The following CACNA1H variants were observed in gnomAD, a reference collection of about 807,000 sequenced individuals.
CACNA1H encodes voltage-dependent T-type calcium channel subunit alpha-1H.
Under a neutral mutation model 192.5 loss-of-function variants are expected in CACNA1H, and 149 were observed. The ratio of observed to expected loss-of-function variants is 0.77; its 90% confidence interval spans 0.68 to 0.89. CACNA1H has a LOEUF of 0.89. Among genes scored for constraint, CACNA1H ranks in the 40% least tolerant of loss-of-function variants. The pLI is 0.00. For missense variants in CACNA1H, 4,257 were observed against 3,423.5 expected (o/e 1.24, Z -6.08); for synonymous variants, 2,202 against 1,475.2 (o/e 1.49, Z -11.29).
In CACNA1H at chr16:1,209,456, G is replaced by A. The variant is rs2745166; in HGVS notation, c.3744+44G>A. 16 of 1,583,486 alleles carry A rather than the reference G, an allele frequency of 1.0e-5. 1 individual carries two copies. The Middle Eastern group carries it at 8.3e-4, about 82-fold the overall frequency. The stretch of plus-strand genomic sequence containing the variant: ...GCCCACCGCCGACTCGCCTTCGTCT[G>A]TCTGGGGCAGGTTCCCTCAAGTGGG... On this transcript the variant is annotated intron_variant, in intron 17 of 34. Coordinates refer to ENST00000348261, the MANE Select transcript of CACNA1H (RefSeq NM_021098.3).
Position 1,210,368 on chromosome 16 carries a change from A to G in CACNA1H, c.3846-2A>G. The G allele has an allele frequency of 9.8e-6, 1 of 102,020 alleles. No individual in the cohort carries two copies. Among genetic ancestry groups the G allele is most frequent in the Non-Finnish European group, 1.7e-5 (1 of 59,526 alleles). The allele number at this position is 102,020 out of a possible 1,614,324, so 6.3% of individuals were successfully genotyped here. A position where few individuals can be genotyped will look rare whatever the true frequency, so the allele number is the denominator to read the frequency against. On this transcript the variant is annotated splice_acceptor_variant, in intron 18 of 34. Coordinates refer to ENST00000348261, the MANE Select transcript of CACNA1H (RefSeq NM_021098.3). LOFTEE classifies it high-confidence loss of function. Reference sequence around the variant, plus strand: ...ACCTCTCACCCGCCCCCGCCCACCCAGGTTCCGCGTCTCCTGCCAGAAGGT... The same window carrying G: ...ACCTCTCACCCGCCCCCGCCCACCCGGGTTCCGCGTCTCCTGCCAGAAGGT...
Position 1,208,151 on chromosome 16 carries a change from C to T in CACNA1H, c.3293C>T (p.Pro1098Leu), listed in dbSNP as rs980276489. 1.9e-6 allele frequency: 3 copies of T among 1,579,502 alleles called. No homozygotes were observed. Among genetic ancestry groups the T allele is most frequent in the African/African-American group, 1.4e-5 (1 of 73,884 alleles). Reference sequence around the variant, plus strand: ...AGCTCACCATTCCTGGATGCAGCCCCCAGCCTCCCAGACTCTCGGCGTGGC... The same window carrying T: ...AGCTCACCATTCCTGGATGCAGCCCTCAGCCTCCCAGACTCTCGGCGTGGC... The part of the protein sequence containing the change: ...PKSSPFLDAA[P>L]SLPDSRRGSS... The change falls in exon 16 of 35, where the codon CCC (proline) becomes CTC (leucine). Residue 1098 changes from proline to leucine, a missense_variant. Coordinates refer to ENST00000348261, the MANE Select transcript of CACNA1H (RefSeq NM_021098.3).
At chr16:1,205,654 TA>T (rs1435774940) in intron 11 of CACNA1H, among the ~76,000 whole-genome samples, 2 of 152,206 alleles carry the variant, frequency 1.3e-5, no homozygotes, top group Admixed American at 6.5e-5. Context: ...ACAAGAAAAT[TA>T]AACCAGAAAG....
rs372529098 is a variant in CACNA1H, at chr16:1,218,596, C to T, written c.5832C>T (p.His1944=). The part of the protein sequence containing the change: ...FRPVVPASAP[H]PRPLQEVEME... The stretch of plus-strand genomic sequence containing the variant: ...CCGTGGTGCCTGCCTCGGCGCCCCA[C>T]CCCCGCCCGCTGCAGGAGGTGGAGA... Residue 1944 remains histidine, a synonymous_variant, in exon 33 of 35, where the codon CAC becomes CAT. Coordinates refer to ENST00000348261, the MANE Select transcript of CACNA1H (RefSeq NM_021098.3). The T allele has an allele frequency of 2.7e-4, 415 of 1,564,796 alleles. 5 individuals are homozygous for T. In the Middle Eastern group the frequency reaches 6.2e-3, roughly 23 times the overall value.
In CACNA1H at chr16:1,221,628, G is replaced by T; in HGVS notation, c.*634G>T. ...GCCTCCCCTACATCTGGGGGCGTTG[G>T]CCGCGAGATTCCCATTGACACCTTT... On this transcript the variant is annotated 3_prime_UTR_variant, in exon 35 of 35. Transcript: ENST00000348261. The T allele has an allele frequency of 1.2e-6, 1 of 807,202 alleles. No homozygotes were observed. The highest frequency in any genetic ancestry group is 1.9e-6 in the Non-Finnish European group (1 of 529,220). 50.0% of individuals were successfully genotyped at this position (807,202 alleles called of 1,614,324 possible). A position where few individuals can be genotyped will look rare whatever the true frequency, so the allele number is the denominator to read the frequency against.
chr16:1,178,727 C>T (rs1965167870), intron 2 of CACNA1H, among the ~76,000 whole-genome samples: 1 of 152,184 alleles, frequency 6.6e-6, no homozygotes, highest in African/African-American at 2.4e-5. Flanking sequence ...TGGCTCACCC[C>T]CGGCCAGGAG....
chr16:1,217,510 C>A (rs945497260), intron 31 of CACNA1H, among the ~76,000 whole-genome samples: 5 of 152,182 alleles, frequency 3.3e-5, no homozygotes, highest in African/African-American at 1.2e-4. Flanking sequence ...CCACTTCAGG[C>A]AGCCCAGTCC....
chr16:1,208,149 C>T lies in CACNA1H; in HGVS notation c.3291C>T (p.Ala1097=), dbSNP rs368375074. Residue 1097 remains alanine (A), a synonymous_variant, in exon 16 of 35, where the codon GCC becomes GCT. Transcript: ENST00000348261. ...TPKSSPFLDA[A]PSLPDSRRGS... ...AGAGCTCACCATTCCTGGATGCAGC[C>T]CCCAGCCTCCCAGACTCTCGGCGTG... 20 of 1,580,606 alleles carry T rather than the reference C, an allele frequency of 1.3e-5. No individual in the cohort carries two copies. The highest frequency in any genetic ancestry group is 1.7e-5 in the Non-Finnish European group (20 of 1,164,948).
At position 1,201,906 on chromosome 16, in the gene CACNA1H, T is replaced by C; in HGVS notation, c.1456T>C (p.Trp486Arg). The change falls in exon 9 of 35, where the codon TGG becomes CGG. Residue 486 changes from tryptophan to arginine, a missense_variant. Coordinates refer to ENST00000348261, the MANE Select transcript of CACNA1H (RefSeq NM_021098.3). Reference sequence around the variant, plus strand: ...CCTCTACGCCCGCTGGCAGAGCCGCTGGCGCAAGAAGGTGGACCCCAGTGC... The same window carrying C: ...CCTCTACGCCCGCTGGCAGAGCCGCCGGCGCAAGAAGGTGGACCCCAGTGC... The part of the protein sequence containing the change: ...LRLYARWQSR[W>R]RKKVDPSAVQ... 1 of 1,550,448 alleles carries C rather than the reference T, an allele frequency of 6.4e-7. No homozygotes were observed. Among genetic ancestry groups the C allele is most frequent in the East Asian group, 2.4e-5 (1 of 40,920 alleles).
At chr16:1,156,807 C>T (rs1018580599) in intron 2 of CACNA1H, among the ~76,000 whole-genome samples, 2 of 152,076 alleles carry the variant, frequency 1.3e-5, no homozygotes, top group African/African-American at 2.4e-5. Context: ...GGAGGGCCCG[C>T]GTTTATCCCT....
At chr16:1,190,054 C>T (rs1478937349) in intron 2 of CACNA1H, among the ~76,000 whole-genome samples, 5 of 152,184 alleles carry the variant, frequency 3.3e-5, no homozygotes, top group Admixed American at 3.3e-4. Context: ...TGAGTGGGTG[C>T]ATTGCTGCTG....
intron 12 of CACNA1H, chr16:1,206,766 C>T (rs866721241): frequency 2.7e-5 from 14 of 519,792 alleles, no homozygotes; most frequent in East Asian, 1.3e-4. Flanking sequence ...CTGTCTGTCC[C>T]GCCTCTGGTC....
chr16:1,197,033 C>A (rs115835709), intron 5 of CACNA1H, among the ~76,000 whole-genome samples: 2,117 of 152,292 alleles, frequency 0.014, 22 homozygotes, highest in South Asian at 0.027. Context: ...AGCAACCCCC[C>A]AAAGTCACAG....
In CACNA1H at chr16:1,219,106, T is replaced by C. The variant is rs1218341240; in HGVS notation, c.6024T>C (p.Ser2008=). The C allele has an allele frequency of 6.5e-7, 1 of 1,545,184 alleles. No individual in the cohort carries two copies. The highest frequency in any genetic ancestry group is 8.7e-7 in the Non-Finnish European group (1 of 1,144,030). Residue 2008 remains serine (S), a synonymous_variant, in exon 34 of 35, where the codon AGT becomes AGC. Coordinates refer to ENST00000348261, the MANE Select transcript of CACNA1H (RefSeq NM_021098.3). ...CTCGGGGCACAGCCCGCTCCCCCAG[T>C]CTCAGCCGGCTGCTCTGCAGACAGG... ...LSPRGTARSP[S]LSRLLCRQEA... is the part of the protein sequence containing the mutation.
chr16:1,196,835 T>A (rs770504536), intron 5 of CACNA1H, among the ~76,000 whole-genome samples: 1 of 152,106 alleles, frequency 6.6e-6, no homozygotes, highest in Non-Finnish European at 1.5e-5. Context: ...GATCGTTCTT[T>A]AAGCACTCAG....
chr16:1,220,188 C>A lies in CACNA1H; in HGVS notation c.6256C>A (p.Pro2086Thr). 6.5e-7 allele frequency: 1 copy of A among 1,531,360 alleles called. No individual in the cohort carries two copies. Among genetic ancestry groups the A allele is most frequent in the Non-Finnish European group, 8.7e-7 (1 of 1,144,768 alleles). 94.9% of individuals were successfully genotyped at this position (1,531,360 alleles called of 1,614,324 possible). A position where few individuals can be genotyped will look rare whatever the true frequency, so the allele number is the denominator to read the frequency against. ...CTGCGTCTCCAGCCGGCCGGCGGCCCCAGGCGGAGAGGAGGCCGAGGCCTC... is the reference window on the plus strand; with the variant it reads ...CTGCGTCTCCAGCCGGCCGGCGGCCACAGGCGGAGAGGAGGCCGAGGCCTC... ...QRCVSSRPAAPGGEEAEASDP... is the reference protein window; with the variant it reads ...QRCVSSRPAATGGEEAEASDP... The change falls in exon 35 of 35, where the codon CCA becomes ACA. Residue 2086 changes from proline (P) to threonine (T), a missense_variant. By Grantham distance (38) the Pro-to-Thr change is conservative. Coordinates refer to ENST00000348261, the MANE Select transcript of CACNA1H (RefSeq NM_021098.3).
intron 15 of CACNA1H, 22 bp from the exon 16 acceptor site, chr16:1,207,991 C>A: frequency 6.3e-7 from 1 of 1,583,794 alleles, no homozygotes; most frequent in South Asian, 1.2e-5. Flanking sequence ...TCTAGGGGCC[C>A]ATTCCTCCCT....
In CACNA1H at chr16:1,216,345, G is replaced by A. The variant is rs148993308; in HGVS notation, c.5245-587G>A. ...GTACCACTCCACCAGGTGCTCAGCT[G>A]TGCAGAGAAGGGGCGTGGCGTAGGA... On this transcript the variant is annotated intron_variant, in intron 30 of 34. Coordinates refer to ENST00000348261, the MANE Select transcript of CACNA1H (RefSeq NM_021098.3). Among the ~76,000 whole-genome samples, 4 of 152,392 alleles carry A rather than the reference G, an allele frequency of 2.6e-5. No homozygotes were observed. In the East Asian group the frequency reaches 5.8e-4, roughly 22 times the overall value.
intron 2 of CACNA1H, among the ~76,000 whole-genome samples, chr16:1,181,348 C>T (rs754095612): frequency 2.0e-5 from 3 of 152,372 alleles, no homozygotes; most frequent in African/African-American, 2.4e-5. Context: ...TGGCCCTGAC[C>T]GGGGACAGCT....
Sources: gnomAD v4.1 joint callset for allele counts (sites outside exome capture counted in the v4.1 genomes callset) on GRCh38, gnomAD v4.1.1 for gene constraint, MANE v1.5 for transcripts, NCBI Gene and HGNC (gene_info 2026-07-23, HGNC 2026-07-21) for gene names.